TRMT2B: variants seen among roughly 807,000 people sequenced by gnomAD.
TRMT2B encodes tRNA methyltransferase 2B.
A neutral mutation model predicts 39.7 loss-of-function variants in TRMT2B; 34 were observed. The ratio of observed to expected loss-of-function variants is 0.86; its 90% CI spans 0.65 to 1.14. The LOEUF (loss-of-function observed/expected upper bound fraction) is 1.14, where lower values mean the gene tolerates loss of function less well. Ranked by LOEUF, TRMT2B falls within the 50% of genes most tolerant of loss-of-function variation. The pLI is 0.00. For missense variants in TRMT2B, 318 were observed against 377.2 expected (o/e 0.84, Z 1.30); for synonymous variants, 132 against 137.3 (o/e 0.96, Z 0.27).
chrX:101,051,764 G>A (rs1449114654), intron 1 of TRMT2B, 31 bp from the exon 2 acceptor site: 2 of 692,565 alleles, frequency 2.9e-6, no homozygotes, highest in African/African-American at 2.4e-5. Flanking sequence ...CAGGTTTTCC[G>A]GGCTATTTAT....
intron 13 of TRMT2B, among the ~76,000 whole-genome samples, chrX:101,017,398 T>G (rs1306345629): frequency 9.0e-6 from 1 of 111,669 alleles, no homozygotes; most frequent in African/African-American, 3.2e-5. Context: ...CAGTTTCCTT[T>G]GGGTTTATTG....
At chrX:100,996,463 C>A in the TRMT2B span, among the ~76,000 whole-genome samples, 146 of 111,952 alleles carry the variant, frequency 1.3e-3, 1 homozygote, top group Non-Finnish European at 2.3e-3. Flanking sequence ...CAACAAATAT[C>A]TCAATTACCC....
In TRMT2B at chrX:101,052,017, C is replaced by A. The variant is rs1042522315; in HGVS notation, c.-707G>T. 5.4e-5 allele frequency: 6 copies of A among 111,457 alleles called. No homozygotes were observed. The highest frequency in any genetic ancestry group is 2.0e-4 in the African/African-American group (6 of 30,678). The allele number at this position is 111,457 out of a possible 1,213,427, so 9.2% of individuals were successfully genotyped here. A position where few individuals can be genotyped will look rare whatever the true frequency, so the allele number is the denominator to read the frequency against. On this transcript the variant is annotated 5_prime_UTR_variant, in exon 1 of 14. Coordinates refer to ENST00000372936, the MANE Select transcript of TRMT2B (RefSeq NM_024917.6). ...CGACTCCTCTCGGGGAGTACCCCTC[C>A]CTACTTTGCTGGGGGAACCTTCTAT...
chrX:101,029,618 C>G (rs770894501), intron 7 of TRMT2B, among the ~76,000 whole-genome samples: 30 of 111,663 alleles, frequency 2.7e-4, no homozygotes, highest in Non-Finnish European at 5.1e-4. Context: ...TTCTTCATTA[C>G]TGTATCCTAA....
At chrX:101,036,318 C>T (rs1239382672) in intron 6 of TRMT2B, among the ~76,000 whole-genome samples, 1 of 108,916 alleles carries the variant, frequency 9.2e-6, no homozygotes, top group Non-Finnish European at 1.9e-5. Context: ...TGGTGGTGCA[C>T]ACCTGTAATC....
At chrX:100,989,667 A>G in the TRMT2B span, among the ~76,000 whole-genome samples, 1 of 111,975 alleles carries the variant, frequency 8.9e-6, no homozygotes, top group African/African-American at 3.2e-5. Context: ...ACTTCTCCCA[A>G]TACAAAAATA....
intron 13 of TRMT2B, 105 bp from the exon 14 acceptor site, chrX:101,010,812 CCT>C (rs1419015049): frequency 1.3e-6 from 1 of 784,413 alleles, no homozygotes; most frequent in African/African-American, 2.1e-5. Context: ...CCACAGGCCC[CCT>C]GTGTTTCTCT....
chrX:101,031,563 C>T (rs1370830454), intron 7 of TRMT2B, among the ~76,000 whole-genome samples: 1 of 110,919 alleles, frequency 9.0e-6, no homozygotes, highest in Admixed American at 9.7e-5. Flanking sequence ...CAAAAATTAG[C>T]TGGGCGTGGT....
intron 7 of TRMT2B, among the ~76,000 whole-genome samples, chrX:101,034,545 A>T (rs1026472314): frequency 8.1e-5 from 9 of 111,484 alleles, no homozygotes; most frequent in African/African-American, 2.6e-4. Context: ...CCCTGAATAT[A>T]CCTTTATTTT....
the TRMT2B span, chrX:100,985,992 G>A: frequency 9.1e-6 from 10 of 1,100,692 alleles, no homozygotes; most frequent in Admixed American, 1.7e-4. Context: ...AGGGTGGGGT[G>A]GTCCCTTTGT....
chrX:100,977,382 T>C, the TRMT2B span, among the ~76,000 whole-genome samples: 42 of 65,911 alleles, frequency 6.4e-4, no homozygotes, highest in African/African-American at 2.4e-3. Flanking sequence ...TTTTTTTTTT[T>C]TTTTTTTTTT....
At chrX:100,974,461 G>A in the TRMT2B span, among the ~76,000 whole-genome samples, 1 of 108,988 alleles carries the variant, frequency 9.2e-6, no homozygotes, top group Non-Finnish European at 1.9e-5. Flanking sequence ...CCCTTTACAA[G>A]ATATCCTAAT....
chrX:101,035,351 T>C (rs2087772868), intron 7 of TRMT2B, among the ~76,000 whole-genome samples: 1 of 112,055 alleles, frequency 8.9e-6, no homozygotes, highest in African/African-American at 3.2e-5. Flanking sequence ...TCAGCACTTC[T>C]TCCTAATACA....
At chrX:100,974,220 T>C in the TRMT2B span, 1 of 1,121,831 alleles carries the variant, frequency 8.9e-7, no homozygotes, top group Non-Finnish European at 1.2e-6. Context: ...GAGCATTAGA[T>C]ACTGGCGTGG....
intron 13 of TRMT2B, 113 bp downstream of exon 13, chrX:101,018,858 C>T: frequency 1.8e-6 from 1 of 561,850 alleles, no homozygotes; most frequent in Admixed American, 2.7e-5. Flanking sequence ...GTTTCAGTTT[C>T]TTTACACTTC....
intron 13 of TRMT2B, among the ~76,000 whole-genome samples, chrX:101,012,229 C>T (rs2086283524): frequency 9.1e-6 from 1 of 110,314 alleles, no homozygotes; most frequent in Non-Finnish European, 1.9e-5. Context: ...CCAGCATGAC[C>T]ACAAACATGT....
At chrX:101,034,299 G>A (rs1157482186) in intron 7 of TRMT2B, among the ~76,000 whole-genome samples, 4 of 107,675 alleles carry the variant, frequency 3.7e-5, no homozygotes, top group South Asian at 4.1e-4. Context: ...GCGCCACTAC[G>A]CTCGGCTAAT....
chrX:100,977,503 C>G, the TRMT2B span, among the ~76,000 whole-genome samples: 1 of 108,903 alleles, frequency 9.2e-6, no homozygotes, highest in African/African-American at 3.4e-5. Flanking sequence ...ACCTCAGCCT[C>G]CCAAGTAGCT....
intron 13 of TRMT2B, among the ~76,000 whole-genome samples, chrX:101,016,481 A>ATT (rs57781020): frequency 9.9e-6 from 1 of 100,659 alleles, no homozygotes; most frequent in African/African-American, 3.6e-5. Flanking sequence ...TTAAATTTTG[A>ATT]TTTTTTTTTT....
Sources: gnomAD v4.1 joint callset for allele counts (sites outside exome capture counted in the v4.1 genomes callset) on GRCh38, gnomAD v4.1.1 for gene constraint, MANE v1.5 for transcripts, NCBI Gene and HGNC (gene_info 2026-07-23, HGNC 2026-07-21) for gene names.